TCTA: variants seen among roughly 807,000 people sequenced by gnomAD.
TCTA encodes T cell leukemia translocation altered, also known as T-cell leukemia translocation-altered gene protein.
TCTA carries 13 observed loss-of-function variants against 13.5 expected under a neutral mutation model. That is an observed-to-expected ratio of 0.96 (90% CI 0.63 to 1.53). The LOEUF (loss-of-function observed/expected upper bound fraction) is 1.53, where lower values mean the gene tolerates loss of function less well. Among genes scored for constraint, TCTA ranks in the 40% most tolerant of loss-of-function variants. The pLI is 0.00. For missense variants in TCTA, 138 were observed against 131.3 expected (o/e 1.05, Z -0.25); for synonymous variants, 58 against 59.0 (o/e 0.98, Z 0.08).
chr3:49,412,798 G>A (rs2048965267), intron 1 of TCTA, 158 bp downstream of exon 1: 15 of 930,876 alleles, frequency 1.6e-5, no homozygotes, highest in Middle Eastern at 3.4e-4. Flanking sequence ...CGGAAGCTAA[G>A]CCAGGTACTT....
chr3:49,413,026 C>T, intron 1 of TCTA, 30 bp from the exon 2 acceptor site: 1 of 1,613,140 alleles, frequency 6.2e-7, no homozygotes, highest in Non-Finnish European at 8.5e-7. Flanking sequence ...CCCCAGCCTT[C>T]TGCAGCTCTG....
Position 49,416,395 on chromosome 3 carries a change from CTA to C in TCTA, c.*1534_*1535del. 8.4e-6 allele frequency: 2 copies of C among 238,706 alleles called. No individual in the cohort carries two copies. Among genetic ancestry groups the C allele is most frequent in the Non-Finnish European group, 1.7e-5 (2 of 117,718 alleles). The allele number at this position is 238,706 out of a possible 1,614,324, so 14.8% of individuals were successfully genotyped here. A position where few individuals can be genotyped will look rare whatever the true frequency, so the allele number is the denominator to read the frequency against. Reference sequence around the variant, plus strand: ...TTATTCACAGCCCCTGGCCCACCCACTAATACTACTGCACAGAGTCAGGATCT... The same window carrying C: ...TTATTCACAGCCCCTGGCCCACCCACATACTACTGCACAGAGTCAGGATCT... On this transcript the variant is annotated 3_prime_UTR_variant, in exon 3 of 3. Coordinates refer to ENST00000273590, the MANE Select transcript of TCTA (RefSeq NM_022171.3).
At position 49,414,974 on chromosome 3, in the gene TCTA, C is replaced by A; in HGVS notation, c.*112C>A. ...ACTGCCGGGGGTTCAGGGTTGGTAG[C>A]AGGGAGTACCCAGTGCCTACAGGGC... On this transcript the variant is annotated 3_prime_UTR_variant, in exon 3 of 3. Transcript: ENST00000273590. 2.2e-6 allele frequency: 3 copies of A among 1,356,274 alleles called. No individual in the cohort carries two copies. Among genetic ancestry groups the A allele is most frequent in the Non-Finnish European group, 3.1e-6 (3 of 965,224 alleles). The allele number at this position is 1,356,274 out of a possible 1,614,324, so 84.0% of individuals were successfully genotyped here.
rs1345966996 is a variant in TCTA, at chr3:49,415,509, C to T, written c.*647C>T. On this transcript the variant is annotated 3_prime_UTR_variant, in exon 3 of 3. Coordinates refer to ENST00000273590, the MANE Select transcript of TCTA (RefSeq NM_022171.3). ...CCAGCCTGGGCAACAGAGCAAGACC[C>T]ATCTCAAAAAAAAAATTTTTTTCCT... The T allele has an allele frequency of 2.6e-5, 4 of 152,266 alleles. No individual in the cohort carries two copies. Among genetic ancestry groups the T allele is most frequent in the African/African-American group, 7.2e-5 (3 of 41,428 alleles). The allele number at this position is 152,266 out of a possible 1,614,324, so 9.4% of individuals were successfully genotyped here. A position where few individuals can be genotyped will look rare whatever the true frequency, so the allele number is the denominator to read the frequency against.
chr3:49,414,945 G>A lies in TCTA; in HGVS notation c.*83G>A, dbSNP rs930303732. 1 of 1,571,616 alleles carries A rather than the reference G, an allele frequency of 6.4e-7. No homozygotes were observed. On this transcript the variant is annotated 3_prime_UTR_variant, in exon 3 of 3. Coordinates refer to ENST00000273590, the MANE Select transcript of TCTA (RefSeq NM_022171.3). ...GTTCTGCTACTCCCCAGACCTCAGG[G>A]ACAACTGCCGGGGGTTCAGGGTTGG...
At chr3:49,412,962 A>G (rs1559525681) in intron 1 of TCTA, 94 bp from the exon 2 acceptor site, 6 of 1,338,988 alleles carry the variant, frequency 4.5e-6, no homozygotes, top group Non-Finnish European at 6.3e-6. Flanking sequence ...GACTTCACCA[A>G]ACAATACCAG....
chr3:49,413,354 A>C, intron 2 of TCTA: 1 of 549,352 alleles, frequency 1.8e-6, no homozygotes, highest in Non-Finnish European at 3.3e-6. Flanking sequence ...TTTCAGAGAG[A>C]TGAAATGACA....
chr3:49,413,301 T>C, intron 2 of TCTA, 191 bp downstream of exon 2: 1 of 610,620 alleles, frequency 1.6e-6, no homozygotes, highest in Non-Finnish European at 2.9e-6. Flanking sequence ...TCCATCATCA[T>C]GCTGTTCAGC....
chr3:49,412,833 C>T (rs924853230), intron 1 of TCTA, 193 bp downstream of exon 1: 2 of 765,596 alleles, frequency 2.6e-6, no homozygotes, highest in Admixed American at 2.7e-5. Context: ...AACGTTGTGC[C>T]CTGACTCATG....
intron 2 of TCTA, among the ~76,000 whole-genome samples, chr3:49,414,463 G>A (rs2048984654): frequency 6.6e-6 from 1 of 152,208 alleles, no homozygotes; most frequent in Admixed American, 6.5e-5. Flanking sequence ...GAACCCGGGA[G>A]GTGGAGGCTG....
intron 2 of TCTA, 124 bp from the exon 3 acceptor site, chr3:49,414,696 A>G: frequency 8.6e-7 from 1 of 1,167,824 alleles, no homozygotes; most frequent in South Asian, 1.4e-5. Flanking sequence ...AGAGAGGTCT[A>G]GATTGTTATG....
In TCTA at chr3:49,415,210, A is replaced by AC. The variant is rs2048990789; in HGVS notation, c.*352dup. The AC allele has an allele frequency of 1.0e-5, 2 of 197,828 alleles. No individual in the cohort carries two copies. The highest frequency in any genetic ancestry group is 2.7e-4 in the East Asian group (2 of 7,454). 12.3% of individuals were successfully genotyped at this position (197,828 alleles called of 1,614,324 possible). ...GTCCCTCTTCCATCCCCAAGATGTG[A>AC]CCCCATAAAAATTTTTCCTGAGTTG... is the stretch of plus-strand genomic sequence containing the variant. On this transcript the variant is annotated 3_prime_UTR_variant, in exon 3 of 3. Coordinates refer to ENST00000273590, the MANE Select transcript of TCTA (RefSeq NM_022171.3).
rs889168951 is a variant in TCTA, at chr3:49,413,366, G to A, written c.269+256G>A. On this transcript the variant is annotated intron_variant, in intron 2 of 2. Transcript: ENST00000273590. ...TAATTTCAGAGAGATGAAATGACAG[G>A]TTTGTTGGATTCCACTCTGCACAAT... 1.1e-5 allele frequency: 6 copies of A among 544,070 alleles called. No individual in the cohort carries two copies. In the African/African-American group the frequency reaches 1.1e-4, roughly 10 times the overall value. 33.7% of individuals were successfully genotyped at this position (544,070 alleles called of 1,614,324 possible).
rs1575300519 is a variant in TCTA at position 49,414,957 on chromosome 3, G to A, written c.*95G>A. On this transcript the variant is annotated 3_prime_UTR_variant, in exon 3 of 3. Coordinates refer to ENST00000273590, the MANE Select transcript of TCTA (RefSeq NM_022171.3). ...CCCAGACCTCAGGGACAACTGCCGG[G>A]GGTTCAGGGTTGGTAGCAGGGAGTA... is the stretch of plus-strand genomic sequence containing the variant. 1 of 1,524,666 alleles carries A rather than the reference G, an allele frequency of 6.6e-7. No individual in the cohort carries two copies. Among genetic ancestry groups the A allele is most frequent in the Middle Eastern group, 1.8e-4 (1 of 5,536 alleles). 94.4% of individuals were successfully genotyped at this position (1,524,666 alleles called of 1,614,324 possible).
chr3:49,412,644 A>G lies in TCTA; in HGVS notation c.214+4A>G. ...ACCGGGTTGTATCACCGTCCAGGTGAGGCTTCCTACGAACCTCCGTGGGCT... is the reference window on the plus strand; with the variant it reads ...ACCGGGTTGTATCACCGTCCAGGTGGGGCTTCCTACGAACCTCCGTGGGCT... On this transcript the variant is annotated splice_donor_region_variant and intron_variant, in intron 1 of 2. Transcript: ENST00000273590. The G allele has an allele frequency of 6.2e-7, 1 of 1,612,520 alleles. No homozygotes were observed. Among genetic ancestry groups the G allele is most frequent in the South Asian group, 1.1e-5 (1 of 91,044 alleles).
At chr3:49,413,347 C>T in intron 2 of TCTA, 2 of 559,732 alleles carry the variant, frequency 3.6e-6, no homozygotes, top group Admixed American at 3.1e-5. Context: ...GTCATAATTT[C>T]AGAGAGATGA....
intron 1 of TCTA, 180 bp downstream of exon 1, chr3:49,412,820 C>T (rs1308020282): frequency 1.7e-5 from 14 of 807,674 alleles, no homozygotes; most frequent in Non-Finnish European, 2.5e-5. Flanking sequence ...GATGGGAGAA[C>T]TTAACGTTGT....
At position 49,415,126 on chromosome 3, in the gene TCTA, C is replaced by T; in HGVS notation, c.*264C>T. ...GTTCTTCCTCTCTCAGGGGTGATAA[C>T]TCAGGAAGCCTCTGGGTTGGGAAGA... On this transcript the variant is annotated 3_prime_UTR_variant, in exon 3 of 3. Transcript: ENST00000273590. 1.6e-5 allele frequency: 7 copies of T among 426,816 alleles called. No individual in the cohort carries two copies. The South Asian group carries it at 2.3e-4, about 14-fold the overall frequency. 26.4% of individuals were successfully genotyped at this position (426,816 alleles called of 1,614,324 possible).
Position 49,414,998 on chromosome 3 carries a change from G to A in TCTA, c.*136G>A. 9.5e-7 allele frequency: 1 copy of A among 1,051,816 alleles called. No homozygotes were observed. Among genetic ancestry groups the A allele is most frequent in the East Asian group, 2.6e-5 (1 of 38,494 alleles). 65.2% of individuals were successfully genotyped at this position (1,051,816 alleles called of 1,614,324 possible). A position where few individuals can be genotyped will look rare whatever the true frequency, so the allele number is the denominator to read the frequency against. On this transcript the variant is annotated 3_prime_UTR_variant, in exon 3 of 3. Coordinates refer to ENST00000273590, the MANE Select transcript of TCTA (RefSeq NM_022171.3). ...GCAGGGAGTACCCAGTGCCTACAGGGCTGGGCCTCTTCTGCCTCTTAAGCC... is the reference window on the plus strand; with the variant it reads ...GCAGGGAGTACCCAGTGCCTACAGGACTGGGCCTCTTCTGCCTCTTAAGCC...
Sources: gnomAD v4.1 joint callset for allele counts (sites outside exome capture counted in the v4.1 genomes callset) on GRCh38, gnomAD v4.1.1 for gene constraint, MANE v1.5 for transcripts, NCBI Gene and HGNC (gene_info 2026-07-23, HGNC 2026-07-21) for gene names.